TIAM1: variants seen among roughly 807,000 people sequenced by gnomAD.
The protein encoded by TIAM1 is rho guanine nucleotide exchange factor TIAM1.
TIAM1 carries 65 observed loss-of-function variants against 163.5 expected under a neutral mutation model. The observed-to-expected ratio is 0.40, with a 90% CI of 0.33 to 0.49. The LOEUF is 0.49. Among genes scored for constraint, TIAM1 ranks in the 20% least tolerant of loss-of-function variants. TIAM1 has a pLI of 0.77. For missense variants in TIAM1, 1,789 were observed against 2,044.7 expected (o/e 0.87, Z 2.41); for synonymous variants, 833 against 810.1 (o/e 1.03, Z -0.48).
At chr21:31,328,997 T>A (rs1340141558) in intron 2 of TIAM1, among the ~76,000 whole-genome samples, 1 of 152,180 alleles carries the variant, frequency 6.6e-6, no homozygotes, top group Non-Finnish European at 1.5e-5. Flanking sequence ...TAACAACTAT[T>A]ACCTAGCATT....
intron 1 of TIAM1, among the ~76,000 whole-genome samples, chr21:31,551,507 G>A (rs1194816477): frequency 8.5e-5 from 13 of 152,172 alleles, no homozygotes; most frequent in Non-Finnish European, 2.9e-5. Flanking sequence ...GGGAGGCTGA[G>A]GCAGGAGGAT....
At chr21:31,162,913 G>C (rs2084000537) in intron 16 of TIAM1, among the ~76,000 whole-genome samples, 1 of 152,032 alleles carries the variant, frequency 6.6e-6, no homozygotes, top group African/African-American at 2.4e-5. Context: ...TTGTTCTCTG[G>C]AAAAAGAACC....
Position 31,546,370 on chromosome 21 carries a change from C to T in TIAM1, c.-422+12557G>A, listed in dbSNP as rs148645969. Among the ~76,000 whole-genome samples, 94 of 151,864 alleles carry T rather than the reference C, an allele frequency of 6.2e-4. No individual in the cohort carries two copies. The East Asian group carries it at 7.4e-3, about 12-fold the overall frequency. ...TTCGAGACCAGCCTGGCCAACATGG[C>T]GAAACCCCATGTCTACTAAAAATAC... On this transcript the variant is annotated intron_variant, in intron 1 of 28. Coordinates refer to the TIAM1 transcript ENST00000286827.
intron 13 of TIAM1, among the ~76,000 whole-genome samples, chr21:31,193,902 C>T (rs1177534106): frequency 6.6e-6 from 1 of 152,102 alleles, no homozygotes; most frequent in Non-Finnish European, 1.5e-5. Context: ...GTGAACATGG[C>T]CCCCGCCAGG....
At chr21:31,365,387 C>CTTTTTT (rs772457613) in intron 2 of TIAM1, among the ~76,000 whole-genome samples, 26 of 128,800 alleles carry the variant, frequency 2.0e-4, no homozygotes, top group East Asian at 1.9e-3. Context: ...TTATTTCTTT[C>CTTTTTT]TTTTTTTTTT....
chr21:31,124,522 C>A lies in TIAM1; in HGVS notation c.4306G>T (p.Val1436Leu). ...KGARPAMSRA[V>L]SAPSKSLGRR... The stretch of plus-strand genomic sequence containing the variant: ...TTGAACGTCCGAATCCCCACAGTAC[C>A]TGCCCTGCTCATGGCCGGCCTGGCC... The change falls in exon 27 of 28, where the codon GTG (valine) becomes TTG (leucine). Residue 1436 changes from valine to leucine, a missense_variant and splice_region_variant. Coordinates refer to ENST00000541036, the MANE Select transcript of TIAM1 (RefSeq NM_001353694.2). 1 of 1,612,952 alleles carries A rather than the reference C, an allele frequency of 6.2e-7. No individual in the cohort carries two copies. Among genetic ancestry groups the A allele is most frequent in the Non-Finnish European group, 8.5e-7 (1 of 1,179,964 alleles).
chr21:31,451,751 G>A (rs928356786), intron 2 of TIAM1, among the ~76,000 whole-genome samples: 1 of 145,630 alleles, frequency 6.9e-6, no homozygotes, highest in South Asian at 2.1e-4. Context: ...GTGTGTGTGT[G>A]TGTGTGTGTG....
rs529298655 is a variant in TIAM1, at chr21:31,400,216, C to T, written c.-368-60794G>A. On this transcript the variant is annotated intron_variant, in intron 2 of 28. Transcript: ENST00000286827. ...GATCTTGGCTCACTGCAACCTCCAC[C>T]CCCTGGGTTCAAGCAATTCTCCTAC... Among the ~76,000 whole-genome samples, 172 of 152,102 alleles carry T rather than the reference C, an allele frequency of 1.1e-3. 1 individual carries two copies. Among genetic ancestry groups the T allele is most frequent in the African/African-American group, 3.8e-3 (158 of 41,494 alleles).
chr21:31,197,239 TAA>T (rs1351381498), intron 12 of TIAM1, among the ~76,000 whole-genome samples: 1 of 152,018 alleles, frequency 6.6e-6, no homozygotes, highest in Non-Finnish European at 1.5e-5. Flanking sequence ...GAATCTAAAA[TAA>T]GAGTTAAAAT....
At chr21:31,267,126 A>G in intron 3 of TIAM1, 143 bp from the exon 4 acceptor site, 1 of 1,171,098 alleles carries the variant, frequency 8.5e-7, no homozygotes, top group Non-Finnish European at 1.2e-6. Context: ...ACAACTTCCT[A>G]TATGCACCTG....
chr21:31,245,819 T>A (rs111783628), intron 5 of TIAM1, among the ~76,000 whole-genome samples, 159 bp from the exon 6 acceptor site: 6 of 152,164 alleles, frequency 3.9e-5, no homozygotes, highest in Non-Finnish European at 8.8e-5. Context: ...ACTCAAGTCT[T>A]GGATGGGCCT....
At chr21:31,364,670 C>T (rs13048474) in intron 2 of TIAM1, among the ~76,000 whole-genome samples, 20 of 151,412 alleles carry the variant, frequency 1.3e-4, no homozygotes, top group African/African-American at 3.9e-4. Context: ...CATGGATGGA[C>T]GGATGGATGG....
intron 6 of TIAM1, among the ~76,000 whole-genome samples, chr21:31,230,483 T>C (rs1219463518): frequency 2.6e-5 from 4 of 152,178 alleles, no homozygotes; most frequent in Non-Finnish European, 5.9e-5. Context: ...CTCTTGTTAA[T>C]TGCTCTGAAA....
chr21:31,409,977 G>A (rs1373589376), intron 2 of TIAM1, among the ~76,000 whole-genome samples: 1 of 151,960 alleles, frequency 6.6e-6, no homozygotes, highest in Non-Finnish European at 1.5e-5. Flanking sequence ...GGAGATCCAA[G>A]TTTTCTCTGG....
intron 4 of TIAM1, among the ~76,000 whole-genome samples, chr21:31,263,108 A>G (rs1244570436): frequency 6.6e-6 from 1 of 152,138 alleles, no homozygotes; most frequent in Non-Finnish European, 1.5e-5. Context: ...TGTTGTGCAT[A>G]ATTCCGGGGT....
chr21:31,260,740 G>GA (rs35382269), intron 4 of TIAM1, among the ~76,000 whole-genome samples: 6,393 of 137,248 alleles, frequency 0.047, 456 homozygotes, highest in African/African-American at 0.15. Context: ...GAGGAGAACA[G>GA]AAAAAAAAAA....
upstream of TIAM1, among the ~76,000 whole-genome samples, chr21:31,346,303 G>A (rs138492209): frequency 4.2e-4 from 64 of 152,170 alleles, no homozygotes; most frequent in African/African-American, 1.3e-3. Context: ...GACTCTCCAG[G>A]GACTTAGAAA....
chr21:31,551,078 G>A (rs183060868), intron 1 of TIAM1, among the ~76,000 whole-genome samples: 5 of 152,204 alleles, frequency 3.3e-5, no homozygotes, highest in Admixed American at 3.3e-4. Context: ...GCCAGGCACA[G>A]TGGCAGGTGC....
intron 2 of TIAM1, among the ~76,000 whole-genome samples, chr21:31,328,671 G>A (rs772285781): frequency 1.9e-4 from 29 of 151,980 alleles, no homozygotes; most frequent in Middle Eastern, 3.4e-3. Context: ...TTTAAGGCCC[G>A]CATGCATTAG....
Sources: allele counts gnomAD v4.1 joint callset (sites outside exome capture counted in the v4.1 genomes callset), GRCh38; gene constraint gnomAD v4.1.1; transcripts MANE v1.5; gene names NCBI Gene and HGNC (gene_info 2026-07-23, HGNC 2026-07-21).